ATP9A: variants seen among roughly 807,000 people sequenced by gnomAD.
ATP9A encodes probable phospholipid-transporting ATPase IIA.
A neutral mutation model predicts 144.1 loss-of-function variants in ATP9A; 52 were observed. The ratio of observed to expected loss-of-function variants is 0.36; its 90% CI spans 0.29 to 0.45. The LOEUF is 0.45. Ranked by LOEUF, ATP9A falls within the 20% of genes least tolerant of loss-of-function variation. The probability of loss-of-function intolerance (pLI) is 1.00; values close to 1 mark genes in which losing one functional copy is unlikely to be tolerated. For missense variants in ATP9A, 947 were observed against 1,392.7 expected (o/e 0.68, Z 5.09); for synonymous variants, 582 against 557.4 (o/e 1.04, Z -0.62).
intron 19 of ATP9A, 69 bp downstream of exon 19, chr20:51,622,005 C>T: frequency 1.4e-6 from 2 of 1,384,520 alleles, no homozygotes; most frequent in South Asian, 1.2e-5. Context: ...GGGGCCCACT[C>T]AAGGTTAGGA....
At chr20:51,668,129 T>TGGGGGGGGGGGG (rs2077441241) in intron 13 of ATP9A, among the ~76,000 whole-genome samples, 2 of 700 alleles carry the variant, frequency 2.9e-3, no homozygotes, top group Non-Finnish European at 3.8e-3. Context: ...GGCGAGGGGC[T>TGGGGGGGGGGGG]GGGGGAGGGG....
intron 9 of ATP9A, among the ~76,000 whole-genome samples, chr20:51,688,050 T>G (rs1289866404): frequency 6.6e-6 from 1 of 152,230 alleles, no homozygotes; most frequent in Non-Finnish European, 1.5e-5. Context: ...GCCTTTCACC[T>G]GCTGTGTGAC....
chr20:51,631,643 G>C (rs965545043), intron 15 of ATP9A, among the ~76,000 whole-genome samples: 3 of 152,190 alleles, frequency 2.0e-5, no homozygotes, highest in African/African-American at 7.2e-5. Flanking sequence ...TCGGCCGGCT[G>C]TGTGGCATTG....
chr20:51,698,925 G>T (rs1166070893), intron 4 of ATP9A, among the ~76,000 whole-genome samples: 1 of 152,200 alleles, frequency 6.6e-6, no homozygotes, highest in East Asian at 1.9e-4. Context: ...GAGGAAGAGA[G>T]AATTTATTCT....
chr20:51,653,901 T>G (rs986936335), intron 14 of ATP9A, among the ~76,000 whole-genome samples: 1 of 152,164 alleles, frequency 6.6e-6, no homozygotes, highest in Non-Finnish European at 1.5e-5. Context: ...TACCCACAGG[T>G]TACTGGTTCC....
At position 51,624,455 on chromosome 20, in the gene ATP9A, A is replaced by AT. The variant is rs949050095; in HGVS notation, c.2016+736dup. Among the ~76,000 whole-genome samples the AT allele has an allele frequency of 9.9e-5, 15 of 151,178 alleles. 2 individuals carry two copies. Among genetic ancestry groups the AT allele is most frequent in the Admixed American group, 6.6e-5 (1 of 15,180 alleles). ...GGCCCCTCCAGATTCAACTCCTAGT[A>AT]TTTTTTTTTGGGTCGCCACTGGTAG... On this transcript the variant is annotated intron_variant, in intron 18 of 27. Transcript: ENST00000338821.
chr20:51,638,253 C>G (rs2077303703), intron 15 of ATP9A, among the ~76,000 whole-genome samples: 1 of 144,340 alleles, frequency 6.9e-6, no homozygotes. Flanking sequence ...GCATGAAACA[C>G]TTGGGTAGAT....
At chr20:51,628,776 G>A (rs913440955) in intron 16 of ATP9A, among the ~76,000 whole-genome samples, 3 of 152,254 alleles carry the variant, frequency 2.0e-5, no homozygotes, top group Admixed American at 6.5e-5. Context: ...CCCTGAAGCA[G>A]AGGATGCAGT....
At chr20:51,642,087 G>A (rs1004484683) in intron 14 of ATP9A, among the ~76,000 whole-genome samples, 1 of 152,126 alleles carries the variant, frequency 6.6e-6, no homozygotes, top group Non-Finnish European at 1.5e-5. Context: ...GAAGTTGGAA[G>A]CCCTCCTGTA....
chr20:51,715,543 AGT>A (rs1387031889), intron 3 of ATP9A, among the ~76,000 whole-genome samples: 1 of 152,216 alleles, frequency 6.6e-6, no homozygotes, highest in African/African-American at 2.4e-5. Context: ...GTTCATGGAA[AGT>A]GTGTGCTCAT....
intron 4 of ATP9A, among the ~76,000 whole-genome samples, chr20:51,699,756 C>T (rs1248104783): frequency 3.9e-5 from 6 of 152,058 alleles, no homozygotes; most frequent in African/African-American, 1.4e-4. Context: ...GATTCTTCTG[C>T]CTCAGCCTCC....
At chr20:51,691,573 G>A (rs1442526629) in intron 7 of ATP9A, among the ~76,000 whole-genome samples, 3 of 152,338 alleles carry the variant, frequency 2.0e-5, no homozygotes, top group Non-Finnish European at 1.5e-5. Context: ...CCACCCGTAA[G>A]GATGGCTGCT....
At chr20:51,710,180 G>A (rs1224070059) in intron 4 of ATP9A, among the ~76,000 whole-genome samples, 2 of 152,102 alleles carry the variant, frequency 1.3e-5, no homozygotes, top group African/African-American at 4.8e-5. Context: ...GCATGTGCCT[G>A]TAATCCCAGC....
At chr20:51,605,328 T>C (rs1601050335) in intron 26 of ATP9A, among the ~76,000 whole-genome samples, 2 of 152,184 alleles carry the variant, frequency 1.3e-5, no homozygotes, top group African/African-American at 4.8e-5. Flanking sequence ...TTTAAAATGA[T>C]GGAGTCGCGG....
At chr20:51,693,923 C>A (rs1220147896) in intron 7 of ATP9A, 85 bp downstream of exon 7, 13 of 1,200,864 alleles carry the variant, frequency 1.1e-5, no homozygotes, top group Non-Finnish European at 1.5e-5. Flanking sequence ...AAGTTGCCAT[C>A]CCATGCCTGG....
intron 1 of ATP9A, among the ~76,000 whole-genome samples, chr20:51,753,983 T>A (rs1364967374): frequency 6.6e-6 from 1 of 151,714 alleles, no homozygotes; most frequent in African/African-American, 2.4e-5. Context: ...GTTCTCTCAT[T>A]TTTTTTTACA....
In ATP9A at chr20:51,753,981, A is replaced by AT. The variant is rs904545583; in HGVS notation, c.68+14320dup. Among the ~76,000 whole-genome samples, 96 of 150,360 alleles carry AT rather than the reference A, an allele frequency of 6.4e-4. 2 individuals are homozygous for AT. Among genetic ancestry groups the AT allele is most frequent in the Admixed American group, 3.3e-3 (49 of 15,006 alleles). ...GCCACCATGCCCGGCCTGTTCTCTC[A>AT]TTTTTTTTTACATAGATATGTACTC... On this transcript the variant is annotated intron_variant, in intron 1 of 27. Transcript: ENST00000338821.
intron 15 of ATP9A, among the ~76,000 whole-genome samples, chr20:51,638,071 T>TTATTTATA (rs2077300968): frequency 6.4e-4 from 22 of 34,176 alleles, no homozygotes; most frequent in East Asian, 2.1e-3. Flanking sequence ...TTTCATCATT[T>TTATTTATA]TATATATATA....
intron 9 of ATP9A, among the ~76,000 whole-genome samples, chr20:51,679,089 C>T (rs2077489452): frequency 6.6e-6 from 1 of 151,486 alleles, no homozygotes. Context: ...TTTGGGAGGC[C>T]GAGACAGGCA....
Sources: gnomAD v4.1 joint callset for allele counts (sites outside exome capture counted in the v4.1 genomes callset) on GRCh38, gnomAD v4.1.1 for gene constraint, MANE v1.5 for transcripts, NCBI Gene and HGNC (gene_info 2026-07-23, HGNC 2026-07-21) for gene names.